The following FAIM variants were observed in gnomAD, a reference collection of about 807,000 sequenced individuals.
FAIM encodes the protein fas apoptotic inhibitory molecule 1.
Under a neutral mutation model 21.2 loss-of-function variants are expected in FAIM, and 14 were observed. The observed-to-expected ratio is 0.66, with a 90% CI of 0.44 to 1.03. The LOEUF is 1.03. Ranked by LOEUF, FAIM falls within the 50% of genes least tolerant of loss-of-function variation. The pLI, the probability that FAIM is intolerant of heterozygous loss-of-function variation, is 0.00. For missense variants in FAIM, 222 were observed against 247.1 expected, an observed-to-expected ratio of 0.90 and a Z score of 0.68; for synonymous variants, 86 against 80.4, an observed-to-expected ratio of 1.07 and a Z score of -0.37.
At chr3:138,611,084 T>C in intron 1 of FAIM, 8 of 1,344,308 alleles carry the variant, frequency 6.0e-6, no homozygotes, top group Non-Finnish European at 8.5e-6. Context: ...CAATAACTAT[T>C]GGTATGCTGG....
intron 1 of FAIM, among the ~76,000 whole-genome samples, chr3:138,613,522 G>T (rs2042793898): frequency 6.6e-6 from 1 of 152,068 alleles, no homozygotes; most frequent in Admixed American, 6.6e-5. Flanking sequence ...CTATTCTGTT[G>T]CCAAGGGTGG....
At chr3:138,623,380 G>A (rs976511287) in intron 4 of FAIM, among the ~76,000 whole-genome samples, 7 of 151,950 alleles carry the variant, frequency 4.6e-5, no homozygotes, top group Non-Finnish European at 1.0e-4. Context: ...TTATGTTTTT[G>A]AGACAGAGTC....
chr3:138,622,206 T>A lies in FAIM; in HGVS notation c.196T>A (p.Trp66Arg), dbSNP rs1246490274. ...TATGTAGGAAGAGATAAGAAAAGAG[T>A]GGATGTTCAAATTAGTGGGCAAAGA... ...VDGKEEIRKEWMFKLVGKETF... is the reference protein window; with the variant it reads ...VDGKEEIRKERMFKLVGKETF... The change falls in exon 4 of 6, where the codon TGG becomes AGG. Residue 66 changes from tryptophan to arginine, a missense_variant. By Grantham distance (101) the Trp-to-Arg change is moderately radical (BLOSUM62 -3). Transcript: ENST00000360570. 1.2e-6 allele frequency: 2 copies of A among 1,609,722 alleles called. No homozygotes were observed. Among genetic ancestry groups the A allele is most frequent in the Admixed American group, 1.7e-5 (1 of 59,042 alleles).
intron 4 of FAIM, among the ~76,000 whole-genome samples, chr3:138,623,047 A>G (rs1463188045): frequency 6.6e-6 from 1 of 152,072 alleles, no homozygotes; most frequent in Non-Finnish European, 1.5e-5. Context: ...CAAAAAAAAA[A>G]AAAAAAGTAA....
intron 5 of FAIM, chr3:138,629,678 T>A (rs1213271791): frequency 6.6e-6 from 1 of 152,168 alleles, no homozygotes; most frequent in Non-Finnish European, 1.5e-5. Flanking sequence ...GAAAGCGAGA[T>A]TTTTGTAAAA....
At chr3:138,626,506 A>G (rs2042940415) in intron 4 of FAIM, among the ~76,000 whole-genome samples, 1 of 152,224 alleles carries the variant, frequency 6.6e-6, no homozygotes. Context: ...AGATCCTTTT[A>G]TATCAGAACC....
chr3:138,622,214 CA>C lies in FAIM; in HGVS notation c.207del (p.Lys69AsnfsTer2). 6.2e-7 allele frequency: 1 copy of C among 1,609,440 alleles called. No individual in the cohort carries two copies. Among genetic ancestry groups the C allele is most frequent in the East Asian group, 2.2e-5 (1 of 44,702 alleles). On this transcript the variant is annotated frameshift_variant, in exon 4 of 6. Transcript: ENST00000360570. LOFTEE classifies it high-confidence loss of function. ...AAGAGATAAGAAAAGAGTGGATGTTCAAATTAGTGGGCAAAGAAACATTCTA... is the reference window on the plus strand; with the variant it reads ...AAGAGATAAGAAAAGAGTGGATGTTCAATTAGTGGGCAAAGAAACATTCTA... ...KEEIRKEWMFKLVGKETFYVG... is the reference protein window; with the variant it reads ...KEEIRKEWMFXLVGKETFYVG...
chr3:138,630,006 T>C (rs1171660037), intron 5 of FAIM: 1 of 152,062 alleles, frequency 6.6e-6, no homozygotes, highest in East Asian at 1.9e-4. Context: ...GGAGCCGAAA[T>C]CACTGGGTGG....
At chr3:138,621,615 T>C in intron 3 of FAIM, 76 bp downstream of exon 3, 1 of 1,391,984 alleles carries the variant, frequency 7.2e-7, no homozygotes, top group Non-Finnish European at 9.8e-7. Flanking sequence ...CATCTTCATA[T>C]GTGAATTCAG....
At chr3:138,622,443 T>C (rs2042898164) in intron 4 of FAIM, 27 bp downstream of exon 4, 2 of 68,086 alleles carry the variant, frequency 2.9e-5, no homozygotes, top group Non-Finnish European at 5.8e-5. Flanking sequence ...TCCGCAGAAC[T>C]TTTTTTTTTT....
chr3:138,633,132 T>C lies in FAIM; in HGVS notation c.*53T>C. ...CAGGACTTTTTAATTACTGTGGTAA[T>C]TAAATGTGTTCAGTATGTACTTATC... is the stretch of plus-strand genomic sequence containing the variant. On this transcript the variant is annotated 3_prime_UTR_variant, in exon 6 of 6. Coordinates refer to ENST00000360570, the MANE Select transcript of FAIM (RefSeq NM_001033031.2). 6.5e-7 allele frequency: 1 copy of C among 1,538,416 alleles called. No individual in the cohort carries two copies. Among genetic ancestry groups the C allele is most frequent in the Non-Finnish European group, 8.9e-7 (1 of 1,120,788 alleles).
chr3:138,613,367 G>A (rs2042791937), intron 1 of FAIM, among the ~76,000 whole-genome samples: 1 of 152,008 alleles, frequency 6.6e-6, no homozygotes, highest in Non-Finnish European at 1.5e-5. Context: ...ATGAGCAGTA[G>A]AGTTCTTTAT....
chr3:138,618,309 A>C, intron 1 of FAIM, among the ~76,000 whole-genome samples: 1 of 152,164 alleles, frequency 6.6e-6, no homozygotes, highest in East Asian at 1.9e-4. Context: ...TCTAGTTTTT[A>C]TTCTAAAATC....
intron 4 of FAIM, among the ~76,000 whole-genome samples, chr3:138,627,745 T>C (rs2042953701): frequency 6.6e-6 from 1 of 152,134 alleles, no homozygotes; most frequent in South Asian, 2.1e-4. Flanking sequence ...GCCACTGAGG[T>C]GACCCCTGCC....
chr3:138,629,482 CTT>C lies in FAIM; in HGVS notation c.456+327_456+328del, dbSNP rs575701711. ...TTATATCCCCAGAGGTTGGTGTCCTCTTGTGTTGATCCATTTGAAGTGGTGCG... is the reference window on the plus strand; with the variant it reads ...TTATATCCCCAGAGGTTGGTGTCCTCGTGTTGATCCATTTGAAGTGGTGCG... On this transcript the variant is annotated intron_variant, in intron 5 of 5. Transcript: ENST00000360570. 2.2e-4 allele frequency: 41 copies of C among 190,658 alleles called. No individual in the cohort carries two copies. The East Asian group carries it at 2.2e-3, about 10-fold the overall frequency. The allele number at this position is 190,658 out of a possible 1,614,324, so 11.8% of individuals were successfully genotyped here. A position where few individuals can be genotyped will look rare whatever the true frequency, so the allele number is the denominator to read the frequency against.
chr3:138,612,393 GC>G (rs200081028), intron 1 of FAIM, among the ~76,000 whole-genome samples: 2,037 of 152,180 alleles, frequency 0.013, 39 homozygotes, highest in African/African-American at 0.045. Flanking sequence ...GAGTCACCGC[GC>G]CCGGCCTTGT....
Position 138,633,328 on chromosome 3 carries a change from T to TA in FAIM, c.*251dup, listed in dbSNP as rs2043026997. 2 of 274,426 alleles carry TA rather than the reference T, an allele frequency of 7.3e-6. No individual in the cohort carries two copies. The highest frequency in any genetic ancestry group is 1.4e-4 in the South Asian group (2 of 14,332). The allele number at this position is 274,426 out of a possible 1,614,324, so 17.0% of individuals were successfully genotyped here. On this transcript the variant is annotated 3_prime_UTR_variant, in exon 6 of 6. Transcript: ENST00000360570. ...CAAATAAGATATGGACCAAAGTCAC[T>TA]AATGTTTTACAACAGTAACCTTTAC...
At chr3:138,612,193 C>T (rs1291440789) in intron 1 of FAIM, among the ~76,000 whole-genome samples, 10 of 150,344 alleles carry the variant, frequency 6.7e-5, no homozygotes, top group Admixed American at 2.0e-4. Context: ...CTCCGCCTCC[C>T]GGGTTCACGC....
intron 2 of FAIM, among the ~76,000 whole-genome samples, chr3:138,620,426 A>C (rs895197806): frequency 2.6e-5 from 4 of 152,218 alleles, no homozygotes; most frequent in Non-Finnish European, 5.9e-5. Flanking sequence ...TATGTCATTC[A>C]CATAGGATAT....
Sources: allele counts gnomAD v4.1 joint callset (sites outside exome capture counted in the v4.1 genomes callset), GRCh38; gene constraint gnomAD v4.1.1; transcripts MANE v1.5; gene names NCBI Gene and HGNC (gene_info 2026-07-23, HGNC 2026-07-21).